MYT1L: variants seen among roughly 807,000 people sequenced by gnomAD.
MYT1L encodes the protein myelin transcription factor 1-like protein.
MYT1L carries 12 observed loss-of-function variants against 126.7 expected under a neutral mutation model. The ratio of observed to expected loss-of-function variants is 0.09; its 90% confidence interval spans 0.06 to 0.15. MYT1L has a LOEUF of 0.15. Among genes scored for constraint, MYT1L ranks in the 10% least tolerant of loss-of-function variants. MYT1L has a pLI of 1.00. For synonymous variants in MYT1L, 541 were observed against 604.2 expected, an observed-to-expected ratio of 0.90 and a Z score of 1.53; for missense variants, 979 against 1,585.2, an observed-to-expected ratio of 0.62 and a Z score of 6.49.
At chr2:2,004,493 G>T in intron 4 of MYT1L, among the ~76,000 whole-genome samples, 1 of 148,192 alleles carries the variant, frequency 6.7e-6, no homozygotes, top group Non-Finnish European at 1.5e-5. Context: ...CTTCTTTCCT[G>T]CAGGCATTCT....
At chr2:1,949,374 C>A (rs1479741186) in intron 8 of MYT1L, among the ~76,000 whole-genome samples, 2 of 152,180 alleles carry the variant, frequency 1.3e-5, no homozygotes, top group Non-Finnish European at 2.9e-5. Flanking sequence ...CCGTCACCCC[C>A]ACCCCCTCCA....
intron 3 of MYT1L, among the ~76,000 whole-genome samples, chr2:2,134,930 T>C (rs1445189563): frequency 6.6e-6 from 1 of 152,160 alleles, no homozygotes; most frequent in Non-Finnish European, 1.5e-5. Context: ...CTCTTGCACC[T>C]CTTCAAAGGT....
At position 1,797,442 on chromosome 2, in the gene MYT1L, G is replaced by A. The variant is rs573978745; in HGVS notation, c.3276+4254C>T. ...TCACCGTGTTAGCCAGGATGGTCTC[G>A]ATTTCCTGACCTCGTGATCTGCCCG... On this transcript the variant is annotated intron_variant, in intron 23 of 24. Coordinates refer to ENST00000647738, the MANE Select transcript of MYT1L (RefSeq NM_001303052.2). Among the ~76,000 whole-genome samples the A allele has an allele frequency of 9.9e-5, 15 of 152,228 alleles. No homozygotes were observed. In the South Asian group the frequency reaches 3.1e-3, roughly 32 times the overall value.
At chr2:2,112,920 T>A (rs2079652389) in intron 3 of MYT1L, among the ~76,000 whole-genome samples, 1 of 152,178 alleles carries the variant, frequency 6.6e-6, no homozygotes, top group Non-Finnish European at 1.5e-5. Context: ...GTAATGCTGA[T>A]CTCCTCTGCA....
intron 9 of MYT1L, among the ~76,000 whole-genome samples, chr2:1,930,024 T>A (rs557837982): frequency 5.9e-5 from 9 of 152,308 alleles, no homozygotes; most frequent in Admixed American, 1.3e-4. Flanking sequence ...GAAAGACAGA[T>A]CTCGGCTTCA....
rs921886730 is a variant in MYT1L, at chr2:2,006,823, C to G, written c.-157-9476G>C. ...AGTCCTGAGCTCAAATGATCCACCCCCTTCAGCCTCCCAAAGTGCTGGGAT... is the reference window on the plus strand; with the variant it reads ...AGTCCTGAGCTCAAATGATCCACCCGCTTCAGCCTCCCAAAGTGCTGGGAT... On this transcript the variant is annotated intron_variant, in intron 4 of 24. Transcript: ENST00000647738. 2.9e-4 allele frequency among the ~76,000 whole-genome samples: 44 copies of G among 152,110 alleles called. 1 individual carries two copies. Among genetic ancestry groups the G allele is most frequent in the Admixed American group, 2.6e-3 (39 of 15,266 alleles).
At chr2:2,210,324 C>G (rs1319000675) in intron 2 of MYT1L, among the ~76,000 whole-genome samples, 1 of 152,134 alleles carries the variant, frequency 6.6e-6, no homozygotes, top group Non-Finnish European at 1.5e-5. Flanking sequence ...TTTGCCCAGA[C>G]CAATATCCTA....
At chr2:2,027,819 G>A (rs2065808546) in intron 4 of MYT1L, among the ~76,000 whole-genome samples, 1 of 69,762 alleles carries the variant, frequency 1.4e-5, no homozygotes, top group Non-Finnish European at 2.8e-5. Context: ...GCTTGATGTG[G>A]CGTGGCCCAA....
intron 2 of MYT1L, among the ~76,000 whole-genome samples, chr2:2,262,487 T>C (rs1182321511): frequency 1.3e-5 from 2 of 151,366 alleles, no homozygotes; most frequent in African/African-American, 4.9e-5. Flanking sequence ...GGTCAGGAGG[T>C]CGAGACCATC....
At chr2:1,923,638 G>C (rs1272330152) in intron 9 of MYT1L, among the ~76,000 whole-genome samples, 1 of 152,182 alleles carries the variant, frequency 6.6e-6, no homozygotes, top group African/African-American at 2.4e-5. Context: ...TATTAACTGT[G>C]CTCCTCACAT....
intron 3 of MYT1L, among the ~76,000 whole-genome samples, chr2:2,081,021 G>A (rs568607555): frequency 6.6e-6 from 1 of 152,312 alleles, no homozygotes; most frequent in Admixed American, 6.5e-5. Context: ...AGAATCAAGG[G>A]TGACCACTAA....
intron 23 of MYT1L, among the ~76,000 whole-genome samples, chr2:1,800,975 A>T (rs2034740629): frequency 6.6e-6 from 1 of 152,032 alleles, no homozygotes; most frequent in Non-Finnish European, 1.5e-5. Flanking sequence ...CAGCAAATAA[A>T]TTCCACTCCC....
chr2:2,051,725 T>C (rs1459388677), intron 4 of MYT1L, among the ~76,000 whole-genome samples: 2 of 152,206 alleles, frequency 1.3e-5, no homozygotes, highest in African/African-American at 4.8e-5. Context: ...AATTGCTCAT[T>C]ACTAATCATA....
chr2:1,881,129 C>T (rs2047480133), intron 18 of MYT1L, among the ~76,000 whole-genome samples: 1 of 152,178 alleles, frequency 6.6e-6, no homozygotes, highest in Admixed American at 6.5e-5. Context: ...ATCCAGGTCT[C>T]AGGCTTACTG....
intron 3 of MYT1L, among the ~76,000 whole-genome samples, chr2:2,150,712 C>T (rs1007067415): frequency 6.6e-6 from 1 of 152,050 alleles, no homozygotes; most frequent in East Asian, 1.9e-4. Flanking sequence ...CGCTTTAGGT[C>T]CTATTTTTCT....
intron 3 of MYT1L, among the ~76,000 whole-genome samples, chr2:2,094,567 A>T (rs955448852): frequency 3.3e-5 from 5 of 152,218 alleles, no homozygotes; most frequent in African/African-American, 1.2e-4. Flanking sequence ...TGTGGCACAT[A>T]TACACCATGG....
At chr2:2,309,613 C>A (rs576782434) in intron 1 of MYT1L, among the ~76,000 whole-genome samples, 3 of 150,846 alleles carry the variant, frequency 2.0e-5, no homozygotes, top group Admixed American at 6.6e-5. Flanking sequence ...CTATCATCTA[C>A]ACTCCACCTA....
At chr2:1,877,744 G>A (rs1241942369) in intron 18 of MYT1L, among the ~76,000 whole-genome samples, 2 of 151,754 alleles carry the variant, frequency 1.3e-5, no homozygotes, top group Admixed American at 1.3e-4. Context: ...CTCTCAGTTG[G>A]CTCTGAGACC....
chr2:2,048,901 T>C (rs1275257329), intron 4 of MYT1L, among the ~76,000 whole-genome samples: 3 of 152,242 alleles, frequency 2.0e-5, no homozygotes. Context: ...GGTGGTGGCC[T>C]GTGACTTTGA....
Sources: gnomAD v4.1 joint callset for allele counts (sites outside exome capture counted in the v4.1 genomes callset) on GRCh38, gnomAD v4.1.1 for gene constraint, MANE v1.5 for transcripts, NCBI Gene and HGNC (gene_info 2026-07-23, HGNC 2026-07-21) for gene names.